The following MAGI1 variants were observed in gnomAD, a reference collection of about 807,000 sequenced individuals.
MAGI1 encodes membrane-associated guanylate kinase, WW and PDZ domain-containing protein 1.
A neutral mutation model predicts 139.9 loss-of-function variants in MAGI1; 58 were observed. The ratio of observed to expected loss-of-function variants is 0.41; its 90% confidence interval spans 0.34 to 0.52. MAGI1 has a LOEUF of 0.52. Ranked by LOEUF, MAGI1 falls within the 20% of genes least tolerant of loss-of-function variation. The pLI is 0.12. For synonymous variants in MAGI1, 812 were observed against 737.9 expected (o/e 1.10, Z -1.63); for missense variants, 1,874 against 1,901.6 (o/e 0.99, Z 0.27).
At chr3:65,999,006 T>C (rs944063390) in intron 1 of MAGI1, among the ~76,000 whole-genome samples, 13 of 152,204 alleles carry the variant, frequency 8.5e-5, no homozygotes, top group Non-Finnish European at 1.9e-4. Flanking sequence ...ATTCTAGAAG[T>C]ACCTTTTCAT....
At chr3:65,696,241 C>A (rs1440491045) in intron 1 of MAGI1, among the ~76,000 whole-genome samples, 2 of 152,112 alleles carry the variant, frequency 1.3e-5, no homozygotes, top group African/African-American at 4.8e-5. Flanking sequence ...CCCTGCTCAC[C>A]CTATGTAAAG....
At chr3:65,728,346 A>C (rs1163570735) in intron 1 of MAGI1, among the ~76,000 whole-genome samples, 1 of 152,180 alleles carries the variant, frequency 6.6e-6, no homozygotes, top group African/African-American at 2.4e-5. Context: ...ATGCAAAGAG[A>C]GACAGACCAC....
At chr3:65,757,113 C>T (rs1379734814) in intron 1 of MAGI1, among the ~76,000 whole-genome samples, 1 of 152,118 alleles carries the variant, frequency 6.6e-6, no homozygotes, top group Non-Finnish European at 1.5e-5. Context: ...AATTATGTAG[C>T]TTTCCATTTG....
chr3:65,679,473 G>T (rs562872030), intron 1 of MAGI1, among the ~76,000 whole-genome samples: 1 of 152,106 alleles, frequency 6.6e-6, no homozygotes, highest in African/African-American at 2.4e-5. Context: ...TGAGGCACAA[G>T]AATTCATTGA....
intron 2 of MAGI1, among the ~76,000 whole-genome samples, chr3:65,610,387 G>T (rs1417309736): frequency 6.6e-6 from 1 of 152,096 alleles, no homozygotes; most frequent in Non-Finnish European, 1.5e-5. Flanking sequence ...AACACTGATA[G>T]AATTCGAACA....
At chr3:65,621,774 A>G (rs1020840049) in intron 2 of MAGI1, among the ~76,000 whole-genome samples, 198 bp downstream of exon 2, 33 of 152,280 alleles carry the variant, frequency 2.2e-4, no homozygotes, top group African/African-American at 7.2e-4. Flanking sequence ...TTTGCCCCAC[A>G]TTGCAGAGCC....
intron 2 of MAGI1, among the ~76,000 whole-genome samples, chr3:65,569,750 G>A (rs190548598): frequency 2.0e-5 from 3 of 151,866 alleles, no homozygotes; most frequent in Admixed American, 2.0e-4. Flanking sequence ...GATGGCATGC[G>A]CCTGTAGTCC....
chr3:65,654,077 A>G (rs564974875), intron 1 of MAGI1, among the ~76,000 whole-genome samples: 5 of 152,328 alleles, frequency 3.3e-5, no homozygotes, highest in Admixed American at 6.5e-5. Context: ...ATGTTCCACT[A>G]TCAATAATGG....
chr3:65,886,894 A>G (rs2060555127), intron 1 of MAGI1, among the ~76,000 whole-genome samples: 1 of 152,112 alleles, frequency 6.6e-6, no homozygotes, highest in South Asian at 2.1e-4. Context: ...GTAAACTATT[A>G]ATTTCTCCTA....
chr3:65,624,884 T>G (rs2083881320), intron 1 of MAGI1, among the ~76,000 whole-genome samples: 1 of 152,166 alleles, frequency 6.6e-6, no homozygotes, highest in Admixed American at 6.5e-5. Context: ...TAATATTTTC[T>G]TTTTTTAAGA....
chr3:65,935,370 G>A (rs114272988), intron 1 of MAGI1, among the ~76,000 whole-genome samples: 2,001 of 152,278 alleles, frequency 0.013, 44 homozygotes, highest in African/African-American at 0.046. Flanking sequence ...AGAGGTAGAG[G>A]TCAGGCATGG....
intron 7 of MAGI1, among the ~76,000 whole-genome samples, chr3:65,446,158 G>A (rs1208525460): frequency 6.6e-6 from 1 of 152,162 alleles, no homozygotes; most frequent in East Asian, 1.9e-4. Flanking sequence ...AGAAAGTACT[G>A]AAAAATCCAA....
At chr3:65,510,334 C>T (rs950004329) in intron 2 of MAGI1, among the ~76,000 whole-genome samples, 1 of 152,050 alleles carries the variant, frequency 6.6e-6, no homozygotes, top group Non-Finnish European at 1.5e-5. Context: ...GAGAAGAAGG[C>T]TTCAGACGAT....
chr3:65,384,069 T>G (rs1460312656), intron 14 of MAGI1, among the ~76,000 whole-genome samples: 1 of 152,224 alleles, frequency 6.6e-6, no homozygotes, highest in Non-Finnish European at 1.5e-5. Context: ...AGTCACCAGA[T>G]GTTTCCTCTA....
chr3:65,502,469 T>C (rs2077120517), intron 2 of MAGI1, among the ~76,000 whole-genome samples: 1 of 152,178 alleles, frequency 6.6e-6, no homozygotes, highest in South Asian at 2.1e-4. Flanking sequence ...ACAATAAGCA[T>C]TGTTGAGACA....
At chr3:65,916,774 TACACACACTAACACACAC>T (rs2108706298) in intron 1 of MAGI1, among the ~76,000 whole-genome samples, 1 of 151,846 alleles carries the variant, frequency 6.6e-6, no homozygotes, top group South Asian at 2.1e-4. Flanking sequence ...ACATGTATCA[TACACACACTAACACACAC>T]ACACACACAT....
chr3:65,691,357 G>A (rs1263730525), intron 1 of MAGI1, among the ~76,000 whole-genome samples: 2 of 151,368 alleles, frequency 1.3e-5, no homozygotes, highest in East Asian at 3.9e-4. Flanking sequence ...AAATGTATGT[G>A]GCAAAGTCTG....
intron 1 of MAGI1, among the ~76,000 whole-genome samples, chr3:66,037,775 C>A (rs1339825698): frequency 6.6e-6 from 1 of 152,192 alleles, no homozygotes; most frequent in Non-Finnish European, 1.5e-5. Flanking sequence ...AACGTCCCCC[C>A]GCTACCTTGC....
intron 12 of MAGI1, among the ~76,000 whole-genome samples, chr3:65,414,356 T>A (rs1163243569): frequency 6.6e-6 from 1 of 152,182 alleles, no homozygotes; most frequent in East Asian, 1.9e-4. Context: ...TAAAAGGGCG[T>A]GACTAATAGA....
Sources: allele counts gnomAD v4.1 joint callset (sites outside exome capture counted in the v4.1 genomes callset), GRCh38; gene constraint gnomAD v4.1.1; transcripts MANE v1.5; gene names NCBI Gene and HGNC (gene_info 2026-07-23, HGNC 2026-07-21).